The following RBM34 variants were observed in gnomAD, a reference collection of about 807,000 sequenced individuals.
The protein encoded by RBM34 is RNA-binding protein 34.
In RBM34, 39 loss-of-function variants were observed where a neutral mutation model predicts 44.6. That is an observed-to-expected ratio of 0.87 (90% CI 0.68 to 1.14). The LOEUF is 1.14. Ranked by LOEUF, RBM34 falls within the 50% of genes most tolerant of loss-of-function variation. The pLI, the probability that RBM34 is intolerant of heterozygous loss-of-function variation, is 0.00. For synonymous variants in RBM34, 194 were observed against 184.0 expected (o/e 1.05, Z -0.44); for missense variants, 572 against 517.9 (o/e 1.10, Z -1.01).
intron 8 of RBM34, 168 bp from the exon 9 acceptor site, chr1:235,136,241 C>T: frequency 1.5e-6 from 1 of 650,314 alleles, no homozygotes; most frequent in Non-Finnish European, 2.7e-6. Flanking sequence ...CCCTGCTGGA[C>T]TGTGTGTGGG....
intron 4 of RBM34, among the ~76,000 whole-genome samples, chr1:235,154,107 G>C (rs904611599): frequency 6.6e-6 from 1 of 152,020 alleles, no homozygotes; most frequent in Non-Finnish European, 1.5e-5. Context: ...TTAGCTGGGC[G>C]TGGTGGCGGG....
intron 3 of RBM34, 53 bp from the exon 4 acceptor site, chr1:235,155,165 A>G: frequency 7.0e-7 from 1 of 1,430,808 alleles, no homozygotes; most frequent in Non-Finnish European, 9.7e-7. Flanking sequence ...AGTTAGGTCT[A>G]GTATTTGACA....
chr1:235,132,125 G>C, intron 10 of RBM34, 128 bp from the exon 11 acceptor site: 1 of 808,988 alleles, frequency 1.2e-6, no homozygotes, highest in South Asian at 2.0e-5. Flanking sequence ...CCAATCCCAG[G>C]TGTATCAGCT....
chr1:235,151,914 TC>T (rs1395434325), intron 5 of RBM34, among the ~76,000 whole-genome samples: 1 of 151,930 alleles, frequency 6.6e-6, no homozygotes, highest in African/African-American at 2.4e-5. Context: ...ACACCTGTAA[TC>T]CCAGCTACTT....
Position 235,160,512 on chromosome 1 carries a change from T to C in RBM34, c.364A>G (p.Arg122Gly), listed in dbSNP as rs778288823. 2 of 1,609,960 alleles carry C rather than the reference T, an allele frequency of 1.2e-6. No individual in the cohort carries two copies. The highest frequency in any genetic ancestry group is 1.7e-5 in the Admixed American group (1 of 59,088). Reference protein sequence around the residue: ...HTNAEKKLADRESALASADLE... With the variant: ...HTNAEKKLADGESALASADLE... ...ATCAAATAAGAGAATTTTACCAACC[T>C]GTCTGCCAACTTTTTTTCTGCGTTA... is the stretch of plus-strand genomic sequence containing the variant. Residue 122 changes from arginine (R) to glycine (G), a missense_variant and splice_region_variant, in exon 3 of 11, where the codon AGG becomes GGG. By Grantham distance (125) the Arg-to-Gly change is moderately radical. Coordinates refer to ENST00000408888, the MANE Select transcript of RBM34 (RefSeq NM_015014.4).
chr1:235,139,084 T>C lies in RBM34; in HGVS notation c.702-910A>G, dbSNP rs1422089037. On this transcript the variant is annotated intron_variant, in intron 6 of 10. Coordinates refer to ENST00000408888, the MANE Select transcript of RBM34 (RefSeq NM_015014.4). ...TGTCAATGACTGCAGCTGCTGCTAC[T>C]AAATGCCTAAACTCATTAAGTCACT... Among the ~76,000 whole-genome samples the C allele has an allele frequency of 4.6e-5, 7 of 152,340 alleles. No homozygotes were observed. The East Asian group carries it at 1.2e-3, about 25-fold the overall frequency.
In RBM34 at chr1:235,160,522, C is replaced by T. The variant is rs1558152030; in HGVS notation, c.354G>A (p.Lys118=). The T allele has an allele frequency of 6.2e-7, 1 of 1,609,950 alleles. No individual in the cohort carries two copies. The highest frequency in any genetic ancestry group is 8.5e-7 in the Non-Finnish European group (1 of 1,179,072). ...AKKKHTNAEK[K]LADRESALAS... ...AGAATTTTACCAACCTGTCTGCCAA[C>T]TTTTTTTCTGCGTTAGTGTGTTTCT... Residue 118 remains lysine, a synonymous_variant, in exon 3 of 11, where the codon AAG becomes AAA. Coordinates refer to ENST00000408888, the MANE Select transcript of RBM34 (RefSeq NM_015014.4).
At chr1:235,159,413 G>A (rs1662595202) in intron 3 of RBM34, among the ~76,000 whole-genome samples, 1 of 151,666 alleles carries the variant, frequency 6.6e-6, no homozygotes, top group Non-Finnish European at 1.5e-5. Context: ...AGCTGGGTGT[G>A]ATGGCGCGCC....
At chr1:235,149,921 A>G (rs1662085449) in intron 5 of RBM34, among the ~76,000 whole-genome samples, 1 of 152,244 alleles carries the variant, frequency 6.6e-6, no homozygotes, top group Non-Finnish European at 1.5e-5. Flanking sequence ...TCTTGCTAAA[A>G]TTGCTAACAT....
At chr1:235,138,451 T>C (rs1661528401) in intron 6 of RBM34, among the ~76,000 whole-genome samples, 2 of 152,212 alleles carry the variant, frequency 1.3e-5, no homozygotes, top group South Asian at 2.1e-4. Flanking sequence ...CTGAGAACCA[T>C]ACAAGAACTA....
chr1:235,142,588 C>A (rs1661733094), intron 6 of RBM34, among the ~76,000 whole-genome samples: 1 of 151,964 alleles, frequency 6.6e-6, no homozygotes, highest in Admixed American at 6.6e-5. Context: ...AACAACAGCA[C>A]TCTCTAAATG....
chr1:235,152,565 A>AACTCTTT, intron 5 of RBM34, 141 bp downstream of exon 5: 1 of 1,417,522 alleles, frequency 7.1e-7, no homozygotes, highest in Middle Eastern at 2.3e-4. Context: ...TAGTAAGAGC[A>AACTCTTT]ACTCTTTTCT....
intron 6 of RBM34, among the ~76,000 whole-genome samples, chr1:235,144,117 C>T (rs35028594): frequency 0.15 from 22,873 of 151,704 alleles, 1,887 homozygotes; most frequent in Middle Eastern, 0.22. Flanking sequence ...ATAAGGCTGC[C>T]GTGAGCCATT....
chr1:235,144,845 G>C (rs577507324), intron 6 of RBM34, among the ~76,000 whole-genome samples: 4 of 152,280 alleles, frequency 2.6e-5, no homozygotes, highest in Admixed American at 1.3e-4. Context: ...ATGAGTTTGA[G>C]ACCAGCCTGA....
At chr1:235,155,301 A>C (rs1032538376) in intron 3 of RBM34, among the ~76,000 whole-genome samples, 189 bp from the exon 4 acceptor site, 1 of 152,108 alleles carries the variant, frequency 6.6e-6, no homozygotes, top group African/African-American at 2.4e-5. Context: ...TAGTATCTTT[A>C]GAAAAAAAAT....
intron 3 of RBM34, among the ~76,000 whole-genome samples, chr1:235,157,213 T>G (rs537459476): frequency 6.6e-6 from 1 of 151,950 alleles, no homozygotes; most frequent in East Asian, 1.9e-4. Context: ...GAGGATAAGG[T>G]TGGAGAAGGG....
chr1:235,148,875 A>G (rs778569276), intron 5 of RBM34, among the ~76,000 whole-genome samples: 10 of 151,850 alleles, frequency 6.6e-5, no homozygotes, highest in Middle Eastern at 3.4e-3. Context: ...TGGGATTACA[A>G]ACATGAGCCA....
At chr1:235,154,427 G>A (rs1356894572) in intron 4 of RBM34, among the ~76,000 whole-genome samples, 10 of 151,798 alleles carry the variant, frequency 6.6e-5, no homozygotes, top group East Asian at 1.9e-4. Context: ...AGCCAGGCAC[G>A]GTGGCGTGCG....
chr1:235,145,966 GTTTTTTTTTTTTT>G (rs34111332), intron 6 of RBM34, among the ~76,000 whole-genome samples: 2 of 77,212 alleles, frequency 2.6e-5, no homozygotes, highest in South Asian at 4.5e-4. Flanking sequence ...ATTACAGCAG[GTTTTTTTTTTTTT>G]TTTTTTTTTT....
Sources: gnomAD v4.1 joint callset for allele counts (sites outside exome capture counted in the v4.1 genomes callset) on GRCh38, gnomAD v4.1.1 for gene constraint, MANE v1.5 for transcripts, NCBI Gene and HGNC (gene_info 2026-07-23, HGNC 2026-07-21) for gene names.